PRELID2: variants seen among roughly 807,000 people sequenced by gnomAD.
The protein encoded by PRELID2 is PRELI domain-containing protein 2.
In PRELID2, 25 loss-of-function variants were observed where a neutral mutation model predicts 28.4. The observed-to-expected ratio is 0.88, with a 90% CI of 0.64 to 1.23. The LOEUF is 1.23. PRELID2 is among the 50% of genes most tolerant of loss of function. PRELID2 has a pLI of 0.00. For missense variants in PRELID2, 201 were observed against 214.4 expected (o/e 0.94, Z 0.39); for synonymous variants, 76 against 71.6 (o/e 1.06, Z -0.31).
intron 1 of PRELID2, among the ~76,000 whole-genome samples, chr5:145,606,484 T>C (rs1238989346): frequency 3.3e-5 from 5 of 152,180 alleles, no homozygotes; most frequent in African/African-American, 1.2e-4. Flanking sequence ...TGAAGGGATG[T>C]TGAATTTTAA....
At chr5:145,430,510 C>G in the PRELID2 span, among the ~76,000 whole-genome samples, 1 of 152,144 alleles carries the variant, frequency 6.6e-6, no homozygotes, top group South Asian at 2.1e-4. Flanking sequence ...ACCTGCTCTT[C>G]GTCACTTCTG....
chr5:145,660,480 G>A (rs1179628247), intron 1 of PRELID2, among the ~76,000 whole-genome samples: 1 of 152,134 alleles, frequency 6.6e-6, no homozygotes, highest in African/African-American at 2.4e-5. Context: ...CAAGGAGACA[G>A]CTTATTCCTA....
At chr5:145,604,881 C>CTATATATATATATATATATATATA (rs1347559677) in intron 1 of PRELID2, among the ~76,000 whole-genome samples, 72 of 85,658 alleles carry the variant, frequency 8.4e-4, no homozygotes, top group African/African-American at 3.9e-3. Context: ...TGCTTGTTGG[C>CTATATATATATATATATATATATA]CATATATATA....
the PRELID2 span, among the ~76,000 whole-genome samples, chr5:145,243,994 C>A: frequency 1.3e-5 from 2 of 151,920 alleles, no homozygotes; most frequent in African/African-American, 4.8e-5. Flanking sequence ...GCTCTGTTGC[C>A]TAGGCTGGAA....
intron 1 of PRELID2, among the ~76,000 whole-genome samples, chr5:145,647,238 G>A (rs555449905): frequency 6.6e-6 from 1 of 152,324 alleles, no homozygotes; most frequent in East Asian, 1.9e-4. Context: ...TAGGGAGGCA[G>A]TCTGGCCACA....
At chr5:145,407,497 C>A in the PRELID2 span, among the ~76,000 whole-genome samples, 1 of 152,102 alleles carries the variant, frequency 6.6e-6, no homozygotes, top group African/African-American at 2.4e-5. Context: ...CCTAACCCTG[C>A]CCTTAACTGG....
the PRELID2 span, among the ~76,000 whole-genome samples, chr5:145,403,759 A>C: frequency 1.3e-5 from 2 of 152,184 alleles, no homozygotes; most frequent in Non-Finnish European, 2.9e-5. Context: ...GATTGGGTAC[A>C]TCTCCAGTGT....
At chr5:145,506,317 T>A (rs1177538680) in intron 1 of PRELID2, among the ~76,000 whole-genome samples, 4 of 152,102 alleles carry the variant, frequency 2.6e-5, no homozygotes, top group Non-Finnish European at 5.9e-5. Context: ...TCCACTAGGA[T>A]ACATAACAAA....
At chr5:145,292,194 T>C in the PRELID2 span, among the ~76,000 whole-genome samples, 2 of 152,212 alleles carry the variant, frequency 1.3e-5, no homozygotes, top group African/African-American at 4.8e-5. Flanking sequence ...ACGAGGAAGA[T>C]AAACTCCCTT....
chr5:145,835,310 G>A lies in PRELID2; in HGVS notation c.-59C>T, dbSNP rs535970940. The A allele has an allele frequency of 4.7e-6, 6 of 1,268,782 alleles. No individual in the cohort carries two copies. In the African/African-American group the frequency reaches 7.5e-5, roughly 16 times the overall value. The allele number at this position is 1,268,782 out of a possible 1,614,324, so 78.6% of individuals were successfully genotyped here. On this transcript the variant is annotated 5_prime_UTR_variant, in exon 1 of 7. Coordinates refer to ENST00000683046, the MANE Select transcript of PRELID2 (RefSeq NM_205846.3). ...GCCTCCGCGAGCTCAGAGCTGCCCA[G>A]GGCTCCGCAGAGGCCCGGAGGCGCC... is the stretch of plus-strand genomic sequence containing the variant.
intron 1 of PRELID2, among the ~76,000 whole-genome samples, chr5:145,680,419 C>T (rs1754909630): frequency 1.3e-5 from 2 of 152,224 alleles, no homozygotes; most frequent in Non-Finnish European, 1.5e-5. Flanking sequence ...GCCACAACCA[C>T]AGCTGATTGG....
intron 1 of PRELID2, 34 bp downstream of exon 1, chr5:145,835,143 G>A: frequency 6.8e-7 from 1 of 1,476,642 alleles, no homozygotes; most frequent in Non-Finnish European, 9.2e-7. Flanking sequence ...AGCGGAGGCA[G>A]CGCGGGATAC....
intron 5 of PRELID2, among the ~76,000 whole-genome samples, chr5:145,776,456 C>T (rs1401781826): frequency 4.0e-5 from 3 of 74,268 alleles, no homozygotes; most frequent in Non-Finnish European, 1.1e-4. Flanking sequence ...TGAAAGTTCT[C>T]AAATGAAGAA....
chr5:145,546,561 C>A (rs1438856932), intron 1 of PRELID2, among the ~76,000 whole-genome samples: 5 of 152,064 alleles, frequency 3.3e-5, no homozygotes, highest in African/African-American at 1.2e-4. Flanking sequence ...GTAGAACATT[C>A]ATTGTATGAA....
intron 1 of PRELID2, among the ~76,000 whole-genome samples, chr5:145,623,930 T>G (rs1427662332): frequency 6.6e-6 from 1 of 152,106 alleles, no homozygotes; most frequent in Admixed American, 6.5e-5. Flanking sequence ...CTGCCTTCAT[T>G]TCAGATGCCA....
the PRELID2 span, among the ~76,000 whole-genome samples, chr5:145,375,098 C>T: frequency 6.6e-6 from 1 of 152,112 alleles, no homozygotes; most frequent in Non-Finnish European, 1.5e-5. Context: ...TTCATTGATT[C>T]TTTCTCACCT....
the PRELID2 span, among the ~76,000 whole-genome samples, chr5:145,422,728 C>T: frequency 2.0e-5 from 3 of 151,660 alleles, no homozygotes; most frequent in Non-Finnish European, 2.9e-5. Flanking sequence ...GCATTTAGTC[C>T]ATTTACATTT....
At chr5:145,832,744 G>C (rs1489219134) in intron 1 of PRELID2, among the ~76,000 whole-genome samples, 2 of 151,908 alleles carry the variant, frequency 1.3e-5, no homozygotes, top group Middle Eastern at 3.4e-3. Flanking sequence ...ATAAAGTATG[G>C]AAAGCACACA....
chr5:145,710,130 A>G (rs1197740331), intron 1 of PRELID2, among the ~76,000 whole-genome samples: 1 of 152,166 alleles, frequency 6.6e-6, no homozygotes, highest in Non-Finnish European at 1.5e-5. Context: ...AGGTACTATT[A>G]ATTTTTCCTC....
Sources: allele counts gnomAD v4.1 joint callset (sites outside exome capture counted in the v4.1 genomes callset), GRCh38; gene constraint gnomAD v4.1.1; transcripts MANE v1.5; gene names NCBI Gene and HGNC (gene_info 2026-07-23, HGNC 2026-07-21).